NAT10: variants seen among roughly 807,000 people sequenced by gnomAD.
NAT10 encodes the protein N-acetyltransferase 10, also known as RNA cytidine acetyltransferase.
Under a neutral mutation model 132.2 loss-of-function variants are expected in NAT10, and 109 were observed. The ratio of observed to expected loss-of-function variants is 0.82; its 90% confidence interval spans 0.71 to 0.97. NAT10 has a LOEUF of 0.97. NAT10 is among the 50% of genes least tolerant of loss of function. NAT10 has a pLI of 0.00. For synonymous variants in NAT10, 479 were observed against 478.0 expected, an observed-to-expected ratio of 1.00 and a Z score of -0.03; for missense variants, 1,184 against 1,263.4, an observed-to-expected ratio of 0.94 and a Z score of 0.95.
intron 9 of NAT10, among the ~76,000 whole-genome samples, chr11:34,122,907 A>G (rs904560066): frequency 3.9e-5 from 6 of 152,242 alleles, no homozygotes; most frequent in Admixed American, 2.6e-4. Flanking sequence ...TCAGGGCATG[A>G]GAATGTGTAT....
intron 3 of NAT10, 125 bp from the exon 4 acceptor site, chr11:34,111,927 C>T: frequency 8.8e-7 from 1 of 1,139,658 alleles, no homozygotes; most frequent in Non-Finnish European, 1.2e-6. Flanking sequence ...GTGGGCCTCA[C>T]ACTTTCAAGT....
Position 34,142,010 on chromosome 11 carries a change from C to T in NAT10, c.2811+193C>T, listed in dbSNP as rs945007108. 4 of 626,614 alleles carry T rather than the reference C, an allele frequency of 6.4e-6. No individual in the cohort carries two copies. In the African/African-American group the frequency reaches 7.4e-5, roughly 12 times the overall value. The allele number at this position is 626,614 out of a possible 1,614,324, so 38.8% of individuals were successfully genotyped here. ...CACACACAGGCCTAGAGTTGTGCCT[C>T]CCACTGATTGTGTGTGTGTGTTGTG... On this transcript the variant is annotated intron_variant, in intron 26 of 28. Coordinates refer to ENST00000257829, the MANE Select transcript of NAT10 (RefSeq NM_024662.3).
chr11:34,112,428 A>G (rs1247259963), intron 4 of NAT10, among the ~76,000 whole-genome samples: 1 of 152,220 alleles, frequency 6.6e-6, no homozygotes, highest in Non-Finnish European at 1.5e-5. Flanking sequence ...TTAAATCAGC[A>G]CTTGTCTAGA....
intron 24 of NAT10, 148 bp downstream of exon 24, chr11:34,140,720 G>C: frequency 3.1e-6 from 3 of 980,506 alleles, no homozygotes. Flanking sequence ...CATTCTACAG[G>C]TCAGGAAACC....
rs1565119587 is a variant in NAT10 at position 34,140,541 on chromosome 11, T to G, written c.2561T>G (p.Leu854Arg). ...AISRIYFLNQ[L>R]GDLALSAAQS... ...TCTCGCATCTATTTCCTGAACCAGCTGGGGGACCTGGCCCTGTCTGCGGCT... is the reference window on the plus strand; with the variant it reads ...TCTCGCATCTATTTCCTGAACCAGCGGGGGGACCTGGCCCTGTCTGCGGCT... The change falls in exon 24 of 29, where the codon CTG (leucine) becomes CGG (arginine). Residue 854 changes from leucine (L) to arginine (R), a missense_variant. Physicochemically the swap from Leu to Arg is moderately radical, Grantham distance 102. Coordinates refer to ENST00000257829, the MANE Select transcript of NAT10 (RefSeq NM_024662.3). 2 of 1,614,138 alleles carry G rather than the reference T, an allele frequency of 1.2e-6. No individual in the cohort carries two copies. Among genetic ancestry groups the G allele is most frequent in the Admixed American group, 3.3e-5 (2 of 60,024 alleles).
Position 34,133,130 on chromosome 11 carries a change from T to G in NAT10, c.1722T>G (p.Leu574=). 1.2e-6 allele frequency: 2 copies of G among 1,613,150 alleles called. No individual in the cohort carries two copies. The highest frequency in any genetic ancestry group is 1.7e-6 in the Non-Finnish European group (2 of 1,179,112). Residue 574 remains leucine (L), a synonymous_variant, in exon 16 of 29, where the codon CTT becomes CTG. Transcript: ENST00000257829. ...PPTQNALPEV[L]AVIQVCLEGE... The stretch of plus-strand genomic sequence containing the variant: ...CCCAGAATGCCCTTCCAGAAGTGCT[T>G]GCTGTTATCCAGGTATAGGAGCAGA...
In NAT10 at chr11:34,141,076, T is replaced by G. The variant is rs992830552; in HGVS notation, c.2593-13T>G. ...GTCCTAGAGGCCCACCCAGCAGATT[T>G]TCCATCCTTTAGGCTCTTCTCTTGG... On this transcript the variant is annotated splice_polypyrimidine_tract_variant and intron_variant, in intron 24 of 28. Coordinates refer to ENST00000257829, the MANE Select transcript of NAT10 (RefSeq NM_024662.3). The G allele has an allele frequency of 1.9e-6, 3 of 1,614,016 alleles. No homozygotes were observed. The highest frequency in any genetic ancestry group is 2.5e-6 in the Non-Finnish European group (3 of 1,179,990).
intron 21 of NAT10, 133 bp downstream of exon 21, chr11:34,137,159 TA>T (rs1852232467): frequency 1.1e-6 from 1 of 896,944 alleles, no homozygotes; most frequent in Non-Finnish European, 1.8e-6. Flanking sequence ...TGAAGAGGTT[TA>T]TTCTGATGGA....
chr11:34,131,160 C>G (rs1338620401), intron 13 of NAT10, among the ~76,000 whole-genome samples: 2 of 152,106 alleles, frequency 1.3e-5, no homozygotes, highest in African/African-American at 2.4e-5. Context: ...CCTTGTGTGT[C>G]CTTGTCTCAG....
intron 3 of NAT10, among the ~76,000 whole-genome samples, chr11:34,109,563 C>A (rs1851657363): frequency 6.6e-6 from 1 of 152,224 alleles, no homozygotes; most frequent in South Asian, 2.1e-4. Flanking sequence ...CTTTTCAGAG[C>A]TCTGCCTCTT....
intron 4 of NAT10, 46 bp downstream of exon 4, chr11:34,112,269 G>T (rs752960616): frequency 2.5e-6 from 4 of 1,610,904 alleles, no homozygotes; most frequent in South Asian, 1.1e-5. Flanking sequence ...AGTCTTGAGG[G>T]TTGCTTGGGC....
chr11:34,134,604 T>C lies in NAT10; in HGVS notation c.1911+18T>C, dbSNP rs1321299044. ...ATCAAGGGGTAATGTGTCCTCAGGC[T>C]CCCCTGAAGCCGTGTTGCTGGCGGT... On this transcript the variant is annotated intron_variant, in intron 18 of 28. Transcript: ENST00000257829. The C allele has an allele frequency of 6.2e-7, 1 of 1,613,332 alleles. No homozygotes were observed. Among genetic ancestry groups the C allele is most frequent in the East Asian group, 2.2e-5 (1 of 44,862 alleles).
intron 6 of NAT10, 69 bp from the exon 7 acceptor site, chr11:34,118,111 A>T (rs1050090360): frequency 7.6e-7 from 1 of 1,309,078 alleles, no homozygotes; most frequent in Admixed American, 2.0e-5. Flanking sequence ...TTTTTTGAAG[A>T]AAAGTTATAC....
chr11:34,137,929 A>G (rs991125897), intron 21 of NAT10, among the ~76,000 whole-genome samples: 1 of 152,196 alleles, frequency 6.6e-6, no homozygotes, highest in Non-Finnish European at 1.5e-5. Context: ...GGTGAGCTGC[A>G]TTGAAGCAGC....
intron 17 of NAT10, 38 bp from the exon 18 acceptor site, chr11:34,134,474 C>CT: frequency 1.2e-6 from 2 of 1,613,838 alleles, no homozygotes; most frequent in Non-Finnish European, 1.7e-6. Context: ...CCAAAGATGT[C>CT]TGTGTTGCTA....
At chr11:34,125,700 T>C (rs1851976745) in intron 11 of NAT10, among the ~76,000 whole-genome samples, 1 of 152,150 alleles carries the variant, frequency 6.6e-6, no homozygotes, top group Admixed American at 6.5e-5. Context: ...TGGTGGCTCA[T>C]GGCTCTAATC....
At chr11:34,121,987 C>G (rs1162637241) in intron 8 of NAT10, among the ~76,000 whole-genome samples, 1 of 151,794 alleles carries the variant, frequency 6.6e-6, no homozygotes, top group African/African-American at 2.4e-5. Flanking sequence ...ACCAGCCTGC[C>G]CAACATGGTG....
chr11:34,116,202 A>G (rs186925668), intron 6 of NAT10, among the ~76,000 whole-genome samples: 2 of 152,282 alleles, frequency 1.3e-5, no homozygotes, highest in East Asian at 3.9e-4. Context: ...CCCAGAAGAT[A>G]TTTCATAGAG....
At chr11:34,111,423 C>T (rs1040540380) in intron 3 of NAT10, among the ~76,000 whole-genome samples, 5 of 152,202 alleles carry the variant, frequency 3.3e-5, no homozygotes, top group Admixed American at 6.5e-5. Flanking sequence ...CATTCTAGAA[C>T]ATTCTAATTC....
Sources: gnomAD v4.1 joint callset for allele counts (sites outside exome capture counted in the v4.1 genomes callset) on GRCh38, gnomAD v4.1.1 for gene constraint, MANE v1.5 for transcripts, NCBI Gene and HGNC (gene_info 2026-07-23, HGNC 2026-07-21) for gene names.